The following RPS6KC1 variants were observed in gnomAD, a reference collection of about 807,000 sequenced individuals.
RPS6KC1 encodes ribosomal protein S6 kinase C1, also known as inactive ribosomal protein S6 kinase delta-1.
RPS6KC1 carries 54 observed loss-of-function variants against 103.8 expected under a neutral mutation model. That is an observed-to-expected ratio of 0.52 (90% CI 0.42 to 0.65). The LOEUF is 0.65. Among genes scored for constraint, RPS6KC1 ranks in the 30% least tolerant of loss-of-function variants. The pLI is 0.00. For missense variants in RPS6KC1, 1,151 were observed against 1,253.8 expected (o/e 0.92, Z 1.24); for synonymous variants, 439 against 438.7 (o/e 1.00, Z -0.01).
the RPS6KC1 span, among the ~76,000 whole-genome samples, chr1:213,374,880 C>T: frequency 6.6e-6 from 1 of 152,142 alleles, no homozygotes; most frequent in Non-Finnish European, 1.5e-5. Flanking sequence ...CCTCCAGGAA[C>T]GTGTGTGATG....
chr1:213,150,295 GTTATTTAT>G (rs138250765), intron 6 of RPS6KC1, among the ~76,000 whole-genome samples: 92,594 of 147,944 alleles, frequency 0.63, 29,421 homozygotes, highest in African/African-American at 0.66. Context: ...TACATTATAT[GTTATTTAT>G]TTATTTATTT....
the RPS6KC1 span, among the ~76,000 whole-genome samples, chr1:213,337,641 T>C: frequency 6.6e-6 from 1 of 152,208 alleles, no homozygotes; most frequent in Non-Finnish European, 1.5e-5. Context: ...TGGTTATTGA[T>C]GTTGATGCTA....
chr1:213,515,239 T>A, the RPS6KC1 span, among the ~76,000 whole-genome samples: 1 of 152,254 alleles, frequency 6.6e-6, no homozygotes, highest in African/African-American at 2.4e-5. Context: ...TTTAATGAGA[T>A]CCCATTTGTC....
intron 1 of RPS6KC1, among the ~76,000 whole-genome samples, chr1:213,061,331 TTCAC>T (rs1229539909): frequency 6.6e-6 from 1 of 152,146 alleles, no homozygotes; most frequent in African/African-American, 2.4e-5. Flanking sequence ...TGGGAGTTCT[TTCAC>T]TCCAGAGAAC....
the RPS6KC1 span, among the ~76,000 whole-genome samples, chr1:213,522,232 G>A: frequency 6.6e-6 from 1 of 152,170 alleles, no homozygotes; most frequent in Non-Finnish European, 1.5e-5. Flanking sequence ...TTGCCAACAA[G>A]CAATAATATT....
the RPS6KC1 span, among the ~76,000 whole-genome samples, chr1:213,844,476 A>T: frequency 6.6e-6 from 1 of 152,196 alleles, no homozygotes; most frequent in East Asian, 1.9e-4. Context: ...ATTCCTTATT[A>T]TGCATATTTA....
the RPS6KC1 span, among the ~76,000 whole-genome samples, chr1:213,613,205 C>T: frequency 1.3e-5 from 2 of 152,190 alleles, no homozygotes; most frequent in East Asian, 1.9e-4. Context: ...GAATTGGTGG[C>T]CCCTGAGTGG....
At chr1:213,210,664 C>G (rs756076423) in intron 8 of RPS6KC1, among the ~76,000 whole-genome samples, 1 of 152,202 alleles carries the variant, frequency 6.6e-6, no homozygotes. Flanking sequence ...AATAAATTTT[C>G]TAGGTCATTT....
At chr1:213,705,247 G>A in the RPS6KC1 span, among the ~76,000 whole-genome samples, 1 of 151,988 alleles carries the variant, frequency 6.6e-6, no homozygotes, top group South Asian at 2.1e-4. Context: ...CAGAGGTGCT[G>A]TCCGGGATCC....
the RPS6KC1 span, among the ~76,000 whole-genome samples, chr1:213,720,733 C>A: frequency 2.0e-4 from 30 of 152,300 alleles, no homozygotes; most frequent in Non-Finnish European, 2.2e-4. Flanking sequence ...CTTCAGAACA[C>A]TTTTGCAAAA....
At chr1:213,709,649 G>A in the RPS6KC1 span, among the ~76,000 whole-genome samples, 2 of 151,972 alleles carry the variant, frequency 1.3e-5, no homozygotes, top group African/African-American at 4.8e-5. Flanking sequence ...TCCTCCAGTG[G>A]GCATTTATTG....
At chr1:213,534,458 C>T in the RPS6KC1 span, among the ~76,000 whole-genome samples, 7,615 of 152,224 alleles carry the variant, frequency 0.05, 570 homozygotes, top group East Asian at 0.28. Flanking sequence ...GAGAGGTTAC[C>T]AGGCTTCCTA....
chr1:213,830,517 T>C, the RPS6KC1 span, among the ~76,000 whole-genome samples: 11 of 152,214 alleles, frequency 7.2e-5, no homozygotes, highest in East Asian at 2.1e-3. Context: ...TCATTGCTAA[T>C]CCCGGTATAA....
At chr1:213,798,894 C>A in the RPS6KC1 span, among the ~76,000 whole-genome samples, 1 of 152,120 alleles carries the variant, frequency 6.6e-6, no homozygotes, top group East Asian at 1.9e-4. Flanking sequence ...TAATACAGAC[C>A]CACAGCTCCA....
the RPS6KC1 span, among the ~76,000 whole-genome samples, chr1:213,349,660 T>A: frequency 6.6e-6 from 1 of 152,166 alleles, no homozygotes; most frequent in Admixed American, 6.6e-5. Context: ...CCCAGATTTG[T>A]CAGACCTGAA....
At chr1:213,107,218 A>C (rs1189012349) in intron 4 of RPS6KC1, among the ~76,000 whole-genome samples, 2 of 152,174 alleles carry the variant, frequency 1.3e-5, no homozygotes, top group African/African-American at 4.8e-5. Context: ...CTGGGATTAC[A>C]GGTGTGAGCT....
the RPS6KC1 span, among the ~76,000 whole-genome samples, chr1:213,417,115 C>T: frequency 1.3e-5 from 2 of 152,156 alleles, no homozygotes; most frequent in East Asian, 1.9e-4. Flanking sequence ...GAGGGACCAT[C>T]GGGCCCTCAT....
the RPS6KC1 span, among the ~76,000 whole-genome samples, chr1:213,798,272 A>C: frequency 6.6e-6 from 1 of 152,244 alleles, no homozygotes; most frequent in African/African-American, 2.4e-5. Context: ...TCTTAGCAGC[A>C]GAGGAAAAAG....
At chr1:213,722,997 A>G in the RPS6KC1 span, among the ~76,000 whole-genome samples, 1 of 152,084 alleles carries the variant, frequency 6.6e-6, no homozygotes, top group South Asian at 2.1e-4. Context: ...TGGCCACGAT[A>G]GTGAAACCCC....
Sources: gnomAD v4.1 joint callset for allele counts (sites outside exome capture counted in the v4.1 genomes callset) on GRCh38, gnomAD v4.1.1 for gene constraint, MANE v1.5 for transcripts, NCBI Gene and HGNC (gene_info 2026-07-23, HGNC 2026-07-21) for gene names.